The following CEP128 variants were observed in gnomAD, a reference collection of about 807,000 sequenced individuals.
CEP128 encodes the protein centrosomal protein 128kDa.
Under a neutral mutation model 156.7 loss-of-function variants are expected in CEP128, and 132 were observed. The ratio of observed to expected loss-of-function variants is 0.84; its 90% CI spans 0.73 to 0.97. The LOEUF is 0.97. Among genes scored for constraint, CEP128 ranks in the 50% least tolerant of loss-of-function variants. The pLI, the probability that CEP128 is intolerant of heterozygous loss-of-function variation, is 0.00. For missense variants in CEP128, 1,252 were observed against 1,281.9 expected, an observed-to-expected ratio of 0.98 and a Z score of 0.36; for synonymous variants, 469 against 448.9, an observed-to-expected ratio of 1.04 and a Z score of -0.57.
intron 2 of CEP128, among the ~76,000 whole-genome samples, chr14:80,929,035 A>G (rs1885301394): frequency 6.6e-6 from 1 of 152,176 alleles, no homozygotes. Flanking sequence ...GAAAAAAAAA[A>G]GTAATCCTAT....
chr14:80,816,339 G>A (rs753108594), intron 13 of CEP128, among the ~76,000 whole-genome samples: 46 of 152,048 alleles, frequency 3.0e-4, no homozygotes, highest in African/African-American at 7.7e-4. Flanking sequence ...TTGGTATTGC[G>A]GAGGCTCCAT....
chr14:80,524,689 T>C (rs1888898695), intron 23 of CEP128, among the ~76,000 whole-genome samples: 1 of 152,238 alleles, frequency 6.6e-6, no homozygotes, highest in Non-Finnish European at 1.5e-5. Context: ...GTGAGTTTTA[T>C]GTTAAATAAC....
chr14:80,895,851 T>C, intron 7 of CEP128, 61 bp from the exon 8 acceptor site: 1 of 1,145,302 alleles, frequency 8.7e-7, no homozygotes, highest in Non-Finnish European at 1.2e-6. Flanking sequence ...ACAGAACGAG[T>C]GAAATGTATA....
At chr14:80,708,611 T>C (rs893578033) in intron 19 of CEP128, among the ~76,000 whole-genome samples, 1 of 152,164 alleles carries the variant, frequency 6.6e-6, no homozygotes, top group Non-Finnish European at 1.5e-5. Flanking sequence ...ATTTGTTTTT[T>C]ATTTTGCTTA....
In CEP128 at chr14:80,605,018, G is replaced by A. The variant is rs185700941; in HGVS notation, c.2807-24595C>T. On this transcript the variant is annotated intron_variant, in intron 19 of 24. Coordinates refer to ENST00000555265, the MANE Select transcript of CEP128 (RefSeq NM_152446.5). ...GCCCATTCAAAGTATGCAATATGGT[G>A]AAAAACTATCAGAATGGAAGTCAGG... Among the ~76,000 whole-genome samples, 216 of 152,176 alleles carry A rather than the reference G, an allele frequency of 1.4e-3. 1 individual carries two copies. Among genetic ancestry groups the A allele is most frequent in the African/African-American group, 5.1e-3 (211 of 41,554 alleles).
In CEP128 at chr14:80,678,040, TAA is replaced by T. The variant is rs754768782; in HGVS notation, c.2806+65033_2806+65034del. Among the ~76,000 whole-genome samples the T allele has an allele frequency of 4.7e-3, 153 of 32,518 alleles. 4 individuals carry two copies. The highest frequency in any genetic ancestry group is 7.7e-3 in the Non-Finnish European group (121 of 15,806). 21.3% of individuals were successfully genotyped at this position (32,518 alleles called of 152,430 possible). A position where few individuals can be genotyped will look rare whatever the true frequency, so the allele number is the denominator to read the frequency against. ...ACTTTCAACATGGACAGTTGCTCTA[TAA>T]AAAAAAAATATATATATATATGTAT... is the stretch of plus-strand genomic sequence containing the variant. On this transcript the variant is annotated intron_variant, in intron 19 of 24. Transcript: ENST00000555265.
chr14:80,819,712 T>C (rs1057317744), intron 13 of CEP128, among the ~76,000 whole-genome samples: 8 of 152,204 alleles, frequency 5.3e-5, no homozygotes, highest in Non-Finnish European at 1.0e-4. Flanking sequence ...TGTCCATCCA[T>C]GCCGAAAGGG....
chr14:80,526,957 G>A lies in CEP128; in HGVS notation c.2984C>T (p.Thr995Ile). The part of the protein sequence containing the change: ...FRDSCSSSER[T>I]DGRYSKYRVR... ...CCTGTATTTGGAATATCTTCCATCAGTTCTCTCAGATGAACTGCAGGAATC... is the reference window on the plus strand; with the variant it reads ...CCTGTATTTGGAATATCTTCCATCAATTCTCTCAGATGAACTGCAGGAATC... The change falls in exon 23 of 25, where the codon ACT (threonine) becomes ATT (isoleucine). Residue 995 changes from threonine (T) to isoleucine (I), a missense_variant. Transcript: ENST00000555265. 5 of 1,587,412 alleles carry A rather than the reference G, an allele frequency of 3.1e-6. No individual in the cohort carries two copies. The highest frequency in any genetic ancestry group is 1.1e-5 in the South Asian group (1 of 90,158).
At chr14:80,656,466 T>C (rs971062042) in intron 19 of CEP128, among the ~76,000 whole-genome samples, 12 of 150,626 alleles carry the variant, frequency 8.0e-5, no homozygotes, top group African/African-American at 2.4e-4. Context: ...GCCACCAGCA[T>C]AGAATATGAG....
downstream of CEP128, among the ~76,000 whole-genome samples, chr14:80,487,205 A>C (rs1462936638): frequency 6.6e-6 from 1 of 152,100 alleles, no homozygotes; most frequent in Non-Finnish European, 1.5e-5. Context: ...TGGAAAACAA[A>C]AAAAGGCAGG....
At chr14:80,497,918 A>T (rs1887567169) in intron 24 of CEP128, among the ~76,000 whole-genome samples, 1 of 152,216 alleles carries the variant, frequency 6.6e-6, no homozygotes, top group Non-Finnish European at 1.5e-5. Flanking sequence ...TAGAGGCAGA[A>T]ATCTTAAGGG....
At chr14:80,708,643 T>C in intron 19 of CEP128, among the ~76,000 whole-genome samples, 1 of 152,192 alleles carries the variant, frequency 6.6e-6, no homozygotes, top group East Asian at 1.9e-4. Flanking sequence ...TTTTGCCATT[T>C]TAAAAAACTG....
chr14:80,526,776 C>A, intron 23 of CEP128, 93 bp downstream of exon 23: 1 of 616,904 alleles, frequency 1.6e-6, no homozygotes, highest in Non-Finnish European at 2.9e-6. Context: ...TTCACAAGTG[C>A]CCTTACACAA....
intron 10 of CEP128, 48 bp downstream of exon 10, chr14:80,840,634 T>C (rs1310657165): frequency 1.7e-6 from 2 of 1,190,324 alleles, no homozygotes; most frequent in Non-Finnish European, 1.3e-6. Flanking sequence ...CAAATACCAT[T>C]GGCCCCAAAC....
intron 19 of CEP128, among the ~76,000 whole-genome samples, chr14:80,645,391 C>A (rs10139763): frequency 0.23 from 35,242 of 151,880 alleles, 5,641 homozygotes; most frequent in African/African-American, 0.44. Context: ...TAGGAGAAAT[C>A]AGACTCAAAG....
At chr14:80,515,551 T>C (rs982487757) in intron 23 of CEP128, among the ~76,000 whole-genome samples, 9 of 152,152 alleles carry the variant, frequency 5.9e-5, no homozygotes, top group Admixed American at 4.6e-4. Context: ...CAGATAATGT[T>C]GAGGGCTCTT....
chr14:80,515,743 C>T (rs1279578087), intron 23 of CEP128, among the ~76,000 whole-genome samples: 1 of 152,130 alleles, frequency 6.6e-6, no homozygotes, highest in African/African-American at 2.4e-5. Flanking sequence ...CTTCTCTTTC[C>T]TTTCCTCAAG....
Position 80,589,481 on chromosome 14 carries a change from T to C in CEP128, c.2807-9058A>G, listed in dbSNP as rs560386278. ...AATGAAAGCCTTGTGAAGAAACCTG[T>C]GATTAGGTAGGAACAGTGAAGAGGA... On this transcript the variant is annotated intron_variant, in intron 19 of 24. Transcript: ENST00000555265. Among the ~76,000 whole-genome samples, 140 of 152,234 alleles carry C rather than the reference T, an allele frequency of 9.2e-4. 1 individual carries two copies. The highest frequency in any genetic ancestry group is 3.2e-3 in the African/African-American group (134 of 41,564).
At chr14:80,836,450 T>C in intron 11 of CEP128, 113 bp from the exon 12 acceptor site, 2 of 1,128,144 alleles carry the variant, frequency 1.8e-6, no homozygotes, top group Non-Finnish European at 1.3e-6. Context: ...CCAAGCATAG[T>C]GGAACGGTTT....
Sources: allele counts gnomAD v4.1 joint callset (sites outside exome capture counted in the v4.1 genomes callset), GRCh38; gene constraint gnomAD v4.1.1; transcripts MANE v1.5; gene names NCBI Gene and HGNC (gene_info 2026-07-23, HGNC 2026-07-21).